DOK5: variants seen among roughly 807,000 people sequenced by gnomAD.
The protein encoded by DOK5 is downstream of tyrosine kinase 5.
Under a neutral mutation model 43.3 loss-of-function variants are expected in DOK5, and 27 were observed. That is an observed-to-expected ratio of 0.62 (90% CI 0.46 to 0.86). DOK5 has a LOEUF of 0.86. DOK5 is among the 40% of genes least tolerant of loss of function. The pLI is 0.00. For synonymous variants in DOK5, 146 were observed against 140.1 expected (o/e 1.04, Z -0.30); for missense variants, 373 against 392.9 (o/e 0.95, Z 0.43).
chr20:54,595,922 A>G (rs532541424), intron 5 of DOK5, among the ~76,000 whole-genome samples: 1 of 152,300 alleles, frequency 6.6e-6, no homozygotes, highest in South Asian at 2.1e-4. Context: ...TCAGAGTAAT[A>G]ACTTTCTTGC....
At chr20:54,644,724 A>AAAAC (rs1979312843) in intron 7 of DOK5, among the ~76,000 whole-genome samples, 4 of 136,176 alleles carry the variant, frequency 2.9e-5, no homozygotes, top group Admixed American at 7.5e-5. Context: ...AAAAAAAAAA[A>AAAAC]CAAAATTTAG....
At chr20:54,524,733 A>G (rs1983522851) in intron 1 of DOK5, among the ~76,000 whole-genome samples, 1 of 152,214 alleles carries the variant, frequency 6.6e-6, no homozygotes, top group African/African-American at 2.4e-5. Context: ...CATTTCTTGA[A>G]GTTTTAATAT....
chr20:54,572,486 G>A (rs1243612021), intron 2 of DOK5, among the ~76,000 whole-genome samples: 1 of 151,800 alleles, frequency 6.6e-6, no homozygotes. Context: ...TGTACAATGG[G>A]AATACAATAG....
At chr20:54,584,335 C>T (rs1475679706) in intron 2 of DOK5, among the ~76,000 whole-genome samples, 1 of 151,244 alleles carries the variant, frequency 6.6e-6, no homozygotes, top group Non-Finnish European at 1.5e-5. Flanking sequence ...TTGTGTGTCT[C>T]TTATAGGTAT....
chr20:54,493,825 A>C (rs1393008187), intron 1 of DOK5, among the ~76,000 whole-genome samples: 1 of 151,620 alleles, frequency 6.6e-6, no homozygotes, highest in East Asian at 1.9e-4. Context: ...TGTACTCCTA[A>C]CTACTCAGGA....
Position 54,650,471 on chromosome 20 carries a change from G to A in DOK5, c.913G>A (p.Glu305Lys). Residue 305 changes from glutamate to lysine, a missense_variant, in exon 8 of 8, where the codon GAG becomes AAG. Physicochemically the swap from Glu to Lys is moderately conservative, Grantham distance 56 (BLOSUM62 1). Coordinates refer to ENST00000262593, the MANE Select transcript of DOK5 (RefSeq NM_018431.5). ...RTETFPAYRS[E>K]H ...AGAGACTTTTCCAGCCTACAGATCT[G>A]AGCACTGACAGTAACTGCCAAGAAT... The A allele has an allele frequency of 1.2e-6, 2 of 1,613,868 alleles. No individual in the cohort carries two copies. The highest frequency in any genetic ancestry group is 1.7e-6 in the Non-Finnish European group (2 of 1,179,964).
intron 1 of DOK5, among the ~76,000 whole-genome samples, chr20:54,522,197 C>T (rs890281912): frequency 2.6e-5 from 4 of 152,052 alleles, no homozygotes; most frequent in Non-Finnish European, 5.9e-5. Context: ...CCAACACTAA[C>T]GATAGCTGAT....
Position 54,475,876 on chromosome 20 carries a change from G to C in DOK5, c.-71G>C. ...CCCACCGACTGCTTGTCTTGACCCT[G>C]CCCTCCACCCTCCCCAGAGCCACTT... On this transcript the variant is annotated 5_prime_UTR_variant, in exon 1 of 8. Coordinates refer to ENST00000262593, the MANE Select transcript of DOK5 (RefSeq NM_018431.5). This position sits in a 1 kb window ranked among gnomAD's most constrained non-coding sequence, Gnocchi z 4.2. The C allele has an allele frequency of 6.3e-7, 1 of 1,583,224 alleles. No homozygotes were observed. The highest frequency in any genetic ancestry group is 2.0e-4 in the Middle Eastern group (1 of 5,012).
At chr20:54,489,545 A>C (rs887344609) in intron 1 of DOK5, among the ~76,000 whole-genome samples, 4 of 152,106 alleles carry the variant, frequency 2.6e-5, no homozygotes, top group African/African-American at 9.7e-5. Flanking sequence ...GTATGGATAT[A>C]TCTTATATAT....
chr20:54,591,481 A>C, intron 4 of DOK5, 135 bp from the exon 5 acceptor site: 1 of 595,376 alleles, frequency 1.7e-6, no homozygotes, highest in East Asian at 2.9e-5. Context: ...TTAATAGGAA[A>C]GGTTTATCTT....
intron 2 of DOK5, among the ~76,000 whole-genome samples, chr20:54,561,006 T>A (rs1261021690): frequency 6.6e-6 from 1 of 152,224 alleles, no homozygotes; most frequent in African/African-American, 2.4e-5. Flanking sequence ...GCCAGGGAGT[T>A]GTCTTTGACT....
intron 1 of DOK5, among the ~76,000 whole-genome samples, chr20:54,548,459 A>G (rs1984419361): frequency 6.7e-6 from 1 of 150,004 alleles, no homozygotes; most frequent in African/African-American, 2.5e-5. Flanking sequence ...CTGGTCTTGA[A>G]CTCCTGGACT....
intron 7 of DOK5, 49 bp downstream of exon 7, chr20:54,643,627 A>G (rs1979233061): frequency 9.5e-6 from 15 of 1,580,344 alleles, no homozygotes; most frequent in Admixed American, 1.8e-5. Flanking sequence ...GCCTGGGAGT[A>G]CTGGGGAGGG....
At chr20:54,496,500 G>C (rs553598539) in intron 1 of DOK5, among the ~76,000 whole-genome samples, 1 of 152,260 alleles carries the variant, frequency 6.6e-6, no homozygotes, top group African/African-American at 2.4e-5. Context: ...GAGCACGGTG[G>C]CTCATGCCTG....
At chr20:54,523,198 C>T (rs780948140) in intron 1 of DOK5, among the ~76,000 whole-genome samples, 50 of 152,294 alleles carry the variant, frequency 3.3e-4, no homozygotes, top group Non-Finnish European at 4.6e-4. Flanking sequence ...CTGAAAGGAA[C>T]CATCAAACTT....
chr20:54,551,104 GT>G (rs1482616899), intron 1 of DOK5, among the ~76,000 whole-genome samples: 8 of 152,176 alleles, frequency 5.3e-5, no homozygotes, highest in Non-Finnish European at 1.0e-4. Flanking sequence ...TGATAGGTGT[GT>G]ATTGGTAGCC....
At chr20:54,593,920 C>A (rs1477106006) in intron 5 of DOK5, among the ~76,000 whole-genome samples, 1 of 152,120 alleles carries the variant, frequency 6.6e-6, no homozygotes, top group Admixed American at 6.6e-5. Flanking sequence ...TGCATGTTCT[C>A]ACTTATAAGT....
At chr20:54,526,232 C>A (rs1439381465) in intron 1 of DOK5, among the ~76,000 whole-genome samples, 1 of 151,430 alleles carries the variant, frequency 6.6e-6, no homozygotes, top group Non-Finnish European at 1.5e-5. Context: ...CTTCCTTCCT[C>A]TATTCATAAT....
chr20:54,579,471 A>G (rs1985563893), intron 2 of DOK5, among the ~76,000 whole-genome samples: 1 of 152,056 alleles, frequency 6.6e-6, no homozygotes, highest in African/African-American at 2.4e-5. Context: ...TGTTAATTAC[A>G]TGTACATTGT....
Sources: gnomAD v4.1 joint callset for allele counts (sites outside exome capture counted in the v4.1 genomes callset) on GRCh38, gnomAD v4.1.1 for gene constraint, Gnocchi (gnomAD v3.1) non-coding constraint, MANE v1.5 for transcripts, NCBI Gene and HGNC (gene_info 2026-07-23, HGNC 2026-07-21) for gene names.